NAA15: variants seen among roughly 807,000 people sequenced by gnomAD.
NAA15 encodes the protein N-alpha-acetyltransferase 15, NatA auxiliary subunit, also known as N-terminal acetyltransferase.
In NAA15, 34 loss-of-function variants were observed where a neutral mutation model predicts 114.0. That is an observed-to-expected ratio of 0.30 (90% confidence interval 0.23 to 0.40). The LOEUF (loss-of-function observed/expected upper bound fraction) is 0.40. Ranked by LOEUF, NAA15 falls within the 10% of genes least tolerant of loss-of-function variation. NAA15 has a pLI of 1.00. For synonymous variants in NAA15, 340 were observed against 338.0 expected (o/e 1.01, Z -0.06); for missense variants, 658 against 1,004.5 (o/e 0.66, Z 4.66).
At chr4:139,374,133 A>G (rs1553998231) in intron 15 of NAA15, among the ~76,000 whole-genome samples, 1 of 152,174 alleles carries the variant, frequency 6.6e-6, no homozygotes, top group Non-Finnish European at 1.5e-5. Flanking sequence ...TTGCTATGCT[A>G]GAGACATATA....
chr4:139,350,477 C>A (rs1463647754), intron 7 of NAA15, among the ~76,000 whole-genome samples: 2 of 152,180 alleles, frequency 1.3e-5, no homozygotes, highest in Non-Finnish European at 2.9e-5. Flanking sequence ...ACGTGGTCCC[C>A]CAGTCATCCT....
chr4:139,302,185 G>T, intron 1 of NAA15: 1 of 260,128 alleles, frequency 3.8e-6, no homozygotes, highest in Non-Finnish European at 7.3e-6. Flanking sequence ...CGGCCCGGTT[G>T]GTGTGGGAAC....
intron 6 of NAA15, among the ~76,000 whole-genome samples, chr4:139,344,959 C>T (rs1213009989): frequency 2.6e-5 from 4 of 151,880 alleles, no homozygotes; most frequent in East Asian, 1.9e-4. Context: ...AAGTTGAGGG[C>T]GTGATTATAG....
intron 1 of NAA15, among the ~76,000 whole-genome samples, chr4:139,333,413 C>T (rs1317590752): frequency 6.6e-6 from 1 of 151,962 alleles, no homozygotes; most frequent in Admixed American, 6.6e-5. Context: ...TTTTTCCCCT[C>T]TCTGGAAGTT....
chr4:139,306,979 G>A (rs1299798548), intron 1 of NAA15, among the ~76,000 whole-genome samples: 1 of 152,124 alleles, frequency 6.6e-6, no homozygotes, highest in Non-Finnish European at 1.5e-5. Context: ...TTAAAATATT[G>A]TACATCAATA....
At chr4:139,304,205 A>G (rs572136800) in intron 1 of NAA15, among the ~76,000 whole-genome samples, 62 of 152,350 alleles carry the variant, frequency 4.1e-4, no homozygotes, top group Non-Finnish European at 6.0e-4. Context: ...GGCGTCAGCC[A>G]CCGCACCCGG....
At chr4:139,365,842 C>G (rs1186419990) in intron 14 of NAA15, among the ~76,000 whole-genome samples, 8 of 151,972 alleles carry the variant, frequency 5.3e-5, no homozygotes, top group African/African-American at 1.9e-4. Context: ...GAGTGAGACC[C>G]TGTTTCAAAG....
At position 139,388,213 on chromosome 4, in the gene NAA15, G is replaced by A; in HGVS notation, c.*129G>A. On this transcript the variant is annotated 3_prime_UTR_variant, in exon 20 of 20. Coordinates refer to ENST00000296543, the MANE Select transcript of NAA15 (RefSeq NM_057175.5). ...GTAAATGTTCTTGCCTTCAAATAGT[G>A]TTTTACGTTTTTTATCCTGCTGAAA... The A allele has an allele frequency of 1.5e-6, 1 of 677,034 alleles. No homozygotes were observed. The highest frequency in any genetic ancestry group is 2.4e-6 in the Non-Finnish European group (1 of 417,356). 41.9% of individuals were successfully genotyped at this position (677,034 alleles called of 1,614,324 possible).
chr4:139,324,425 C>A (rs1246677980), intron 1 of NAA15, among the ~76,000 whole-genome samples: 1 of 152,116 alleles, frequency 6.6e-6, no homozygotes, highest in Admixed American at 6.6e-5. Flanking sequence ...TCAAGAACTC[C>A]CCAAACACAA....
chr4:139,384,853 T>C lies in NAA15; in HGVS notation c.2177T>C (p.Leu726Ser). The C allele has an allele frequency of 6.8e-7, 1 of 1,469,536 alleles. No individual in the cohort carries two copies. The highest frequency in any genetic ancestry group is 9.1e-7 in the Non-Finnish European group (1 of 1,096,806). The allele number at this position is 1,469,536 out of a possible 1,614,324, so 91.0% of individuals were successfully genotyped here. Residue 726 changes from leucine to serine, a missense_variant, in exon 18 of 20, where the codon TTA becomes TCA. By Grantham distance (145) the Leu-to-Ser change is moderately radical. Around this residue, in one of 6 missense-constraint regions of NAA15, gnomAD observed 275 missense variants for 371.1 expected, o/e 0.74. Transcript: ENST00000296543. ...TCAGCAGTGTGTGAAAGTAAAGATT[T>C]ATCTGATACAGTTAGAACAGTATTA... Reference protein sequence around the residue: ...FNTAVCESKDLSDTVRTVLKQ... With the variant: ...FNTAVCESKDSSDTVRTVLKQ...
At chr4:139,333,407 T>TC (rs1747092208) in intron 1 of NAA15, among the ~76,000 whole-genome samples, 2 of 152,346 alleles carry the variant, frequency 1.3e-5, no homozygotes, top group South Asian at 2.1e-4. Context: ...CTTGTTTTTT[T>TC]CCCCTCTCTG....
Position 139,351,286 on chromosome 4 carries a change from GGTAA to G in NAA15, c.907+3_907+6del, listed in dbSNP as rs1235803065. The stretch of plus-strand genomic sequence containing the variant: ...AAGGCTGCCGTTAAACTTTTTATCT[GGTAA>G]GTGAGAATAATTGCAAAGGAATAGA... On this transcript the variant is annotated splice_donor_variant and splice_donor_region_variant and intron_variant, in intron 8 of 19. Transcript: ENST00000296543. LOFTEE classifies it high-confidence loss of function. The G allele has an allele frequency of 6.3e-7, 1 of 1,583,244 alleles. No homozygotes were observed. Among genetic ancestry groups the G allele is most frequent in the East Asian group, 2.2e-5 (1 of 44,644 alleles).
chr4:139,361,641 AC>A (rs1469292415), intron 13 of NAA15, 82 bp from the exon 14 acceptor site: 10 of 802,174 alleles, frequency 1.2e-5, no homozygotes, highest in Non-Finnish European at 1.9e-5. Context: ...TGCCAAAGTA[AC>A]AAGTATTCCA....
chr4:139,342,548 C>G (rs1747444075), intron 4 of NAA15, among the ~76,000 whole-genome samples: 1 of 143,942 alleles, frequency 6.9e-6, no homozygotes, highest in African/African-American at 2.6e-5. Context: ...CTCCCGGGTT[C>G]AAGTGATTCT....
At chr4:139,318,264 A>G (rs1413715458) in intron 1 of NAA15, 1 of 152,162 alleles carries the variant, frequency 6.6e-6, no homozygotes, top group Non-Finnish European at 1.5e-5. Flanking sequence ...TGTGTGTGAA[A>G]TACTAACGCC....
At position 139,334,302 on chromosome 4, in the gene NAA15, T is replaced by C. The variant is rs769419305; in HGVS notation, c.139+44T>C. On this transcript the variant is annotated intron_variant, in intron 2 of 19. Coordinates refer to ENST00000296543, the MANE Select transcript of NAA15 (RefSeq NM_057175.5). ...AGCTTTACTACATACCTGTCTGGCC[T>C]CTCTTACTGGATTGTATTCTTCCCA... 2 of 1,269,630 alleles carry C rather than the reference T, an allele frequency of 1.6e-6. 1 individual carries two copies. The highest frequency in any genetic ancestry group is 2.9e-5 in the South Asian group (2 of 69,138). The allele number at this position is 1,269,630 out of a possible 1,614,324, so 78.6% of individuals were successfully genotyped here.
intron 10 of NAA15, among the ~76,000 whole-genome samples, chr4:139,357,052 A>T (rs1166890327): frequency 6.6e-6 from 1 of 151,736 alleles, no homozygotes; most frequent in Non-Finnish European, 1.5e-5. Context: ...TATAAATAAC[A>T]TCCTGATCAG....
At chr4:139,319,538 C>T (rs900067036) in intron 1 of NAA15, among the ~76,000 whole-genome samples, 5 of 152,134 alleles carry the variant, frequency 3.3e-5, no homozygotes, top group African/African-American at 9.7e-5. Context: ...CAGGCTCAAG[C>T]GATCCTCCCA....
Position 139,317,080 on chromosome 4 carries a change from C to T in NAA15, c.54+15249C>T, listed in dbSNP as rs956859847. On this transcript the variant is annotated intron_variant, in intron 1 of 19. Coordinates refer to ENST00000296543, the MANE Select transcript of NAA15 (RefSeq NM_057175.5). ...TGCCAGTACTTTCTCTCAGATGGGG[C>T]CCTCTCCTGATGGTAAATCCTCAGT... is the stretch of plus-strand genomic sequence containing the variant. 7.9e-5 allele frequency among the ~76,000 whole-genome samples: 12 copies of T among 151,794 alleles called. 1 individual carries two copies. Among genetic ancestry groups the T allele is most frequent in the Non-Finnish European group, 1.8e-4 (12 of 67,976 alleles).
Sources: allele counts gnomAD v4.1 joint callset (sites outside exome capture counted in the v4.1 genomes callset), GRCh38; gene constraint gnomAD v4.1.1; regional missense constraint gnomAD v4.1.1; transcripts MANE v1.5; gene names NCBI Gene and HGNC (gene_info 2026-07-23, HGNC 2026-07-21).